TUSC3: variants seen among roughly 807,000 people sequenced by gnomAD.
The protein encoded by TUSC3 is dolichyl-diphosphooligosaccharide--protein glycosyltransferase subunit TUSC3.
Under a neutral mutation model 44.8 loss-of-function variants are expected in TUSC3, and 45 were observed. The ratio of observed to expected loss-of-function variants is 1.00; its 90% CI spans 0.79 to 1.29. The LOEUF (loss-of-function observed/expected upper bound fraction) is 1.29. TUSC3 is among the 50% of genes most tolerant of loss of function. TUSC3 has a pLI of 0.00. For missense variants in TUSC3, 519 were observed against 437.9 expected (o/e 1.19, Z -1.65); for synonymous variants, 212 against 152.9 (o/e 1.39, Z -2.85).
intron 1 of TUSC3, among the ~76,000 whole-genome samples, chr8:15,556,101 A>T (rs1262014709): frequency 6.7e-6 from 1 of 150,134 alleles, no homozygotes; most frequent in Non-Finnish European, 1.5e-5. Flanking sequence ...GGTGCACTGC[A>T]CCCACTAACT....
At chr8:15,505,470 G>C (rs1392365061) in intron 2 of TUSC3, among the ~76,000 whole-genome samples, 1 of 152,130 alleles carries the variant, frequency 6.6e-6, no homozygotes. Context: ...TTTTATTCCT[G>C]TTGGTAAAAT....
intron 6 of TUSC3, among the ~76,000 whole-genome samples, chr8:15,683,830 G>C (rs1168122741): frequency 6.6e-6 from 1 of 151,864 alleles, no homozygotes; most frequent in Admixed American, 6.6e-5. Context: ...TTTTTTCCTT[G>C]AAGGTTTGAC....
At chr8:15,838,802 C>G in the TUSC3 span, among the ~76,000 whole-genome samples, 1 of 152,194 alleles carries the variant, frequency 6.6e-6, no homozygotes. Flanking sequence ...ATGACTCCAG[C>G]TTTGTTCTTT....
intron 2 of TUSC3, among the ~76,000 whole-genome samples, chr8:15,487,439 T>A (rs530063114): frequency 9.2e-5 from 14 of 152,338 alleles, no homozygotes; most frequent in African/African-American, 3.4e-4. Context: ...CCACAGTCAC[T>A]GACAGTGGCC....
chr8:15,802,479 C>T, the TUSC3 span, among the ~76,000 whole-genome samples: 21 of 152,082 alleles, frequency 1.4e-4, no homozygotes, highest in African/African-American at 4.1e-4. Flanking sequence ...TGGAGTGCAG[C>T]GGCGTGATCC....
At chr8:15,791,189 G>A in the TUSC3 span, among the ~76,000 whole-genome samples, 3 of 151,944 alleles carry the variant, frequency 2.0e-5, no homozygotes, top group Non-Finnish European at 4.4e-5. Flanking sequence ...TTACCTATTT[G>A]TTAATATAGT....
the TUSC3 span, among the ~76,000 whole-genome samples, chr8:15,819,994 A>C: frequency 7.9e-5 from 12 of 151,918 alleles, no homozygotes; most frequent in African/African-American, 2.9e-4. Flanking sequence ...TATTATGCTG[A>C]CTACATGTTT....
intron 1 of TUSC3, 136 bp downstream of exon 1, chr8:15,540,704 G>C: frequency 1.6e-6 from 2 of 1,229,736 alleles, no homozygotes; most frequent in Non-Finnish European, 2.2e-6. Context: ...CGGGAGCCGC[G>C]AGGGTGGGAG....
At chr8:15,541,928 G>A (rs1801705836) in intron 1 of TUSC3, among the ~76,000 whole-genome samples, 1 of 151,516 alleles carries the variant, frequency 6.6e-6, no homozygotes, top group African/African-American at 2.4e-5. Flanking sequence ...CTCCTAGGAC[G>A]ATCCCTAGGA....
chr8:15,709,201 A>G (rs761978554), intron 6 of TUSC3, among the ~76,000 whole-genome samples: 26 of 151,984 alleles, frequency 1.7e-4, no homozygotes, highest in Middle Eastern at 3.4e-3. Context: ...CAGGTAGGTA[A>G]ATTTGTATTC....
chr8:15,497,218 T>G (rs1008629058), intron 2 of TUSC3, among the ~76,000 whole-genome samples: 39 of 152,134 alleles, frequency 2.6e-4, no homozygotes, highest in Non-Finnish European at 4.7e-4. Flanking sequence ...GGTAGATAAA[T>G]GAACCATGGG....
chr8:15,741,161 A>G (rs997703663), intron 7 of TUSC3, among the ~76,000 whole-genome samples: 6 of 152,154 alleles, frequency 3.9e-5, no homozygotes, highest in African/African-American at 1.4e-4. Flanking sequence ...GTTTGTGTAC[A>G]TGTGCATTTA....
intron 1 of TUSC3, among the ~76,000 whole-genome samples, chr8:15,419,792 G>A (rs781146387): frequency 8.5e-5 from 13 of 152,112 alleles, no homozygotes; most frequent in Non-Finnish European, 1.9e-4. Flanking sequence ...TTTAATATTA[G>A]CTATTTCTCA....
rs147567722 is a variant in TUSC3, at chr8:15,504,118, C to T, written n.189+20635C>T. Among the ~76,000 whole-genome samples, 727 of 152,032 alleles carry T rather than the reference C, an allele frequency of 4.8e-3. 7 individuals are homozygous for T. Among genetic ancestry groups the T allele is most frequent in the Admixed American group, 0.01 (159 of 15,260 alleles). ...TCAAATGAGGCACACATGCTTCCAGCAAAAGAAAGCCATGAATACAATAGG... is the reference window on the plus strand; with the variant it reads ...TCAAATGAGGCACACATGCTTCCAGTAAAAGAAAGCCATGAATACAATAGG... On this transcript the variant is annotated intron_variant and non_coding_transcript_variant, in intron 2 of 5. Coordinates refer to the TUSC3 transcript ENST00000503191.
At chr8:15,704,704 T>C (rs1809547437) in intron 6 of TUSC3, among the ~76,000 whole-genome samples, 2 of 152,086 alleles carry the variant, frequency 1.3e-5, no homozygotes, top group Non-Finnish European at 2.9e-5. Flanking sequence ...CATCCAATCC[T>C]ATCCCTCTTT....
At chr8:15,554,970 G>GCAATCTT (rs1363900059) in intron 1 of TUSC3, among the ~76,000 whole-genome samples, 2 of 151,304 alleles carry the variant, frequency 1.3e-5, no homozygotes, top group African/African-American at 4.8e-5. Flanking sequence ...AAGCAATGAA[G>GCAATCTT]CGCTGCTAAA....
intron 1 of TUSC3, among the ~76,000 whole-genome samples, chr8:15,562,247 G>T (rs773325370): frequency 6.6e-6 from 1 of 152,072 alleles, no homozygotes; most frequent in Non-Finnish European, 1.5e-5. Flanking sequence ...GTTTTCTTCT[G>T]AGATGTTATC....
At chr8:15,784,411 T>C in the TUSC3 span, among the ~76,000 whole-genome samples, 28 of 152,180 alleles carry the variant, frequency 1.8e-4, no homozygotes, top group African/African-American at 6.5e-4. Context: ...CACTCCCATG[T>C]TCATTGCAGC....
intron 1 of TUSC3, among the ~76,000 whole-genome samples, chr8:15,547,548 C>G (rs976775819): frequency 2.0e-5 from 3 of 151,452 alleles, no homozygotes; most frequent in African/African-American, 7.3e-5. Flanking sequence ...ATAAAACAAG[C>G]AACAAGCAGA....
Sources: gnomAD v4.1 joint callset for allele counts (sites outside exome capture counted in the v4.1 genomes callset) on GRCh38, gnomAD v4.1.1 for gene constraint, MANE v1.5 for transcripts, NCBI Gene and HGNC (gene_info 2026-07-23, HGNC 2026-07-21) for gene names.